TPGS2: variants seen among roughly 807,000 people sequenced by gnomAD.
TPGS2 encodes the protein polyglutamylase subunit 2.
A neutral mutation model predicts 31.1 loss-of-function variants in TPGS2; 26 were observed. The observed-to-expected ratio is 0.84, with a 90% confidence interval of 0.61 to 1.16. The LOEUF (loss-of-function observed/expected upper bound fraction) is 1.16, where lower values mean the gene tolerates loss of function less well. Among genes scored for constraint, TPGS2 ranks in the 50% most tolerant of loss-of-function variants. The pLI is 0.00. For synonymous variants in TPGS2, 130 were observed against 136.6 expected (o/e 0.95, Z 0.34); for missense variants, 351 against 363.8 (o/e 0.96, Z 0.29).
intron 6 of TPGS2, 125 bp downstream of exon 6, chr18:36,798,324 G>A: frequency 6.6e-7 from 1 of 1,521,916 alleles, no homozygotes; most frequent in East Asian, 2.3e-5. Flanking sequence ...TGAAAATGCA[G>A]GTTCCTGGGC....
intron 2 of TPGS2, among the ~76,000 whole-genome samples, chr18:36,813,997 C>G (rs969228160): frequency 2.6e-5 from 4 of 152,064 alleles, no homozygotes; most frequent in African/African-American, 9.7e-5. Context: ...GGTTCAGAAC[C>G]CACTCTGTAG....
In TPGS2 at chr18:36,796,892, G is replaced by C; in HGVS notation, c.816C>G (p.Gly272=). 6.2e-7 allele frequency: 1 copy of C among 1,611,434 alleles called. No homozygotes were observed. The highest frequency in any genetic ancestry group is 8.5e-7 in the Non-Finnish European group (1 of 1,179,118). ...KKKGPVQPAG[G]QKGPSGPSGP... is the part of the protein sequence containing the mutation. ...CGGAGGGTCCTGAGGGCCCTTTCTG[G>C]CCACCTGCAGGCTGCACAGGCCCTT... The change falls in exon 7 of 7, where the codon GGC becomes GGG. Residue 272 remains glycine, a synonymous_variant. Transcript: ENST00000334295.
At chr18:36,781,329 A>T (rs1017399737), downstream of TPGS2, among the ~76,000 whole-genome samples, 3 of 152,172 alleles carry the variant, frequency 2.0e-5, no homozygotes, top group Non-Finnish European at 2.9e-5. Context: ...AAAAATCATC[A>T]GGTCACTAAT....
chr18:36,805,707 G>A (rs1234598036), intron 3 of TPGS2, among the ~76,000 whole-genome samples: 2 of 152,162 alleles, frequency 1.3e-5, no homozygotes, highest in African/African-American at 2.4e-5. Context: ...TGGGGGCCAC[G>A]GGTGATGAAG....
intron 4 of TPGS2, among the ~76,000 whole-genome samples, chr18:36,802,853 C>T (rs1161561902): frequency 6.6e-6 from 1 of 152,098 alleles, no homozygotes; most frequent in Non-Finnish European, 1.5e-5. Context: ...GTCTTGATCT[C>T]CTGACCTCAT....
chr18:36,799,697 G>T (rs2044710832), intron 5 of TPGS2, among the ~76,000 whole-genome samples: 1 of 152,134 alleles, frequency 6.6e-6, no homozygotes, highest in Non-Finnish European at 1.5e-5. Flanking sequence ...CCATTGTCCA[G>T]CTCTGTAGTT....
chr18:36,799,215 C>A (rs1246218103), intron 5 of TPGS2, among the ~76,000 whole-genome samples: 2 of 152,160 alleles, frequency 1.3e-5, no homozygotes, highest in Non-Finnish European at 2.9e-5. Flanking sequence ...CTCCATTATC[C>A]ATCCAGTCTC....
chr18:36,823,554 G>A (rs1454691477), intron 1 of TPGS2, among the ~76,000 whole-genome samples: 2 of 142,048 alleles, frequency 1.4e-5, no homozygotes, highest in Admixed American at 1.5e-4. Flanking sequence ...TCCGCCTCCC[G>A]GGTTCACGCC....
chr18:36,786,321 C>T (rs866379914), intron 6 of TPGS2, among the ~76,000 whole-genome samples: 7 of 152,162 alleles, frequency 4.6e-5, no homozygotes, highest in African/African-American at 9.7e-5. Context: ...CCCAGGTTCA[C>T]GCCATTCTCC....
rs936906253 is a variant in TPGS2 at position 36,815,596 on chromosome 18, A to T, written c.165+3298T>A. Among the ~76,000 whole-genome samples the T allele has an allele frequency of 1.1e-4, 16 of 151,772 alleles. No homozygotes were observed. The Admixed American group carries it at 1.1e-3, about 10-fold the overall frequency. On this transcript the variant is annotated intron_variant, in intron 2 of 6. Coordinates refer to ENST00000334295, the MANE Select transcript of TPGS2 (RefSeq NM_015476.4). ...ACACCAGCTGTGGTTATGTCTAGGTAGGAAAATCCTAGGAGACTTTTTTTT... is the reference window on the plus strand; with the variant it reads ...ACACCAGCTGTGGTTATGTCTAGGTTGGAAAATCCTAGGAGACTTTTTTTT...
chr18:36,821,347 G>A (rs993910092), intron 1 of TPGS2, among the ~76,000 whole-genome samples: 4 of 152,048 alleles, frequency 2.6e-5, no homozygotes, highest in African/African-American at 9.7e-5. Flanking sequence ...ATCTAACTGC[G>A]ACCACTTGAG....
chr18:36,811,794 T>C (rs2045441736), intron 2 of TPGS2, among the ~76,000 whole-genome samples: 10 of 152,212 alleles, frequency 6.6e-5, no homozygotes, highest in Admixed American at 6.5e-4. Context: ...GTATCTATTA[T>C]GGGATAAATA....
chr18:36,798,382 T>G (rs765543684), intron 6 of TPGS2, 67 bp downstream of exon 6: 8 of 1,603,636 alleles, frequency 5.0e-6, no homozygotes, highest in Non-Finnish European at 6.8e-6. Flanking sequence ...GAACCTGCAA[T>G]GTAACCATTT....
In TPGS2 at chr18:36,797,529, T is replaced by C. The variant is rs866324171; in HGVS notation, c.658-479A>G. Reference sequence around the variant, plus strand: ...TCTGTTTCCTACTGTTTTTTTTTTTTGGCAGCTGAGGGCAAAGGGCATCCA... The same window carrying C: ...TCTGTTTCCTACTGTTTTTTTTTTTCGGCAGCTGAGGGCAAAGGGCATCCA... On this transcript the variant is annotated intron_variant, in intron 6 of 6. Coordinates refer to ENST00000334295, the MANE Select transcript of TPGS2 (RefSeq NM_015476.4). Among the ~76,000 whole-genome samples, 12 of 147,300 alleles carry C rather than the reference T, an allele frequency of 8.1e-5. No individual in the cohort carries two copies. In the South Asian group the frequency reaches 2.3e-3, roughly 29 times the overall value.
At chr18:36,802,124 C>CTGTT (rs2044847649) in intron 4 of TPGS2, among the ~76,000 whole-genome samples, 1 of 152,192 alleles carries the variant, frequency 6.6e-6, no homozygotes, top group African/African-American at 2.4e-5. Flanking sequence ...TTGAAAATCA[C>CTGTT]TGTTTTATAT....
intron 4 of TPGS2, among the ~76,000 whole-genome samples, chr18:36,804,270 C>T (rs141323233): frequency 5.8e-4 from 88 of 152,244 alleles, no homozygotes; most frequent in Non-Finnish European, 1.1e-3. Flanking sequence ...TAGCAGGTGT[C>T]GGAAGGCCAA....
intron 5 of TPGS2, 103 bp from the exon 6 acceptor site, chr18:36,798,712 CAG>C (rs1412765855): frequency 8.1e-6 from 12 of 1,482,908 alleles, no homozygotes; most frequent in Admixed American, 2.3e-5. Flanking sequence ...AAAATCCCAA[CAG>C]AGAGAATGGA....
At chr18:36,801,728 T>C (rs1425581724) in intron 4 of TPGS2, among the ~76,000 whole-genome samples, 5 of 151,996 alleles carry the variant, frequency 3.3e-5, no homozygotes, top group African/African-American at 1.2e-4. Context: ...AATTTGTCTT[T>C]TCCCTTTGGC....
intron 2 of TPGS2, among the ~76,000 whole-genome samples, chr18:36,810,787 C>T (rs1234868875): frequency 6.6e-6 from 1 of 152,204 alleles, no homozygotes; most frequent in Non-Finnish European, 1.5e-5. Flanking sequence ...AGCTCTGTTA[C>T]TACTTCATCA....
Sources: allele counts gnomAD v4.1 joint callset (sites outside exome capture counted in the v4.1 genomes callset), GRCh38; gene constraint gnomAD v4.1.1; transcripts MANE v1.5; gene names NCBI Gene and HGNC (gene_info 2026-07-23, HGNC 2026-07-21).